Variants in CADPS2 observed in about 807,000 individuals in gnomAD.
CADPS2 encodes calcium dependent secretion activator 2.
CADPS2 carries 93 observed loss-of-function variants against 172.5 expected under a neutral mutation model. The ratio of observed to expected loss-of-function variants is 0.54; its 90% CI spans 0.46 to 0.64. The LOEUF is 0.64. Among genes scored for constraint, CADPS2 ranks in the 30% least tolerant of loss-of-function variants. The pLI, the probability that CADPS2 is intolerant of heterozygous loss-of-function variation, is 0.00. For synonymous variants in CADPS2, 546 were observed against 555.2 expected (o/e 0.98, Z 0.23); for missense variants, 1,420 against 1,565.9 (o/e 0.91, Z 1.57).
At chr7:122,579,921 A>G (rs1328718143) in intron 7 of CADPS2, among the ~76,000 whole-genome samples, 1 of 152,086 alleles carries the variant, frequency 6.6e-6, no homozygotes, top group Non-Finnish European at 1.5e-5. Context: ...ATCCCTAGAA[A>G]TAGAAAAATT....
intron 25 of CADPS2, among the ~76,000 whole-genome samples, chr7:122,378,574 T>C (rs2042623093): frequency 6.6e-6 from 1 of 152,052 alleles, no homozygotes; most frequent in South Asian, 2.1e-4. Flanking sequence ...TTGGGGGCGG[T>C]TTTACCTTTG....
At chr7:122,855,563 A>G (rs973687529) in intron 1 of CADPS2, among the ~76,000 whole-genome samples, 1 of 152,176 alleles carries the variant, frequency 6.6e-6, no homozygotes, top group Admixed American at 6.5e-5. Context: ...TGTGGCTGGT[A>G]GGGGCAAAGT....
intron 1 of CADPS2, among the ~76,000 whole-genome samples, chr7:122,882,939 G>A (rs1823329203): frequency 2.0e-5 from 3 of 152,046 alleles, no homozygotes; most frequent in African/African-American, 7.2e-5. Flanking sequence ...TGTAGCACCT[G>A]GAAAGGCACT....
chr7:122,705,460 T>C lies in CADPS2; in HGVS notation c.453+31495A>G, dbSNP rs1235470821. On this transcript the variant is annotated intron_variant, in intron 2 of 29. Coordinates refer to ENST00000449022, the MANE Select transcript of CADPS2 (RefSeq NM_017954.11). ...GTAATATAATATTATATATTATCTA[T>C]ATTATATATTATATATATTTATATT... 8.9e-5 allele frequency among the ~76,000 whole-genome samples: 12 copies of C among 135,060 alleles called. 1 individual carries two copies. The highest frequency in any genetic ancestry group is 1.4e-4 in the Non-Finnish European group (9 of 65,020). 88.6% of individuals were successfully genotyped at this position (135,060 alleles called of 152,430 possible). A position where few individuals can be genotyped will look rare whatever the true frequency, so the allele number is the denominator to read the frequency against.
intron 6 of CADPS2, among the ~76,000 whole-genome samples, chr7:122,614,779 C>T (rs1197731163): frequency 2.0e-5 from 3 of 152,186 alleles, no homozygotes; most frequent in Non-Finnish European, 4.4e-5. Context: ...ATCATGGTAT[C>T]TACTGTTACA....
intron 6 of CADPS2, among the ~76,000 whole-genome samples, chr7:122,611,117 A>C (rs1349605609): frequency 6.6e-6 from 1 of 152,168 alleles, no homozygotes. Flanking sequence ...AGAAAAAAGA[A>C]AGATCTCAAA....
At chr7:122,769,449 C>T (rs570260588) in intron 1 of CADPS2, among the ~76,000 whole-genome samples, 3 of 152,232 alleles carry the variant, frequency 2.0e-5, no homozygotes, top group African/African-American at 4.8e-5. Context: ...TCTTTGTGTT[C>T]ATTCAAATAC....
intron 2 of CADPS2, among the ~76,000 whole-genome samples, chr7:122,722,580 A>G (rs1257721434): frequency 2.0e-5 from 3 of 148,998 alleles, no homozygotes; most frequent in Non-Finnish European, 4.4e-5. Context: ...ATGCTCATTG[A>G]TAGGAAGAAT....
At chr7:122,589,948 G>A (rs922981810) in intron 6 of CADPS2, among the ~76,000 whole-genome samples, 2 of 151,832 alleles carry the variant, frequency 1.3e-5, no homozygotes, top group African/African-American at 4.8e-5. Context: ...CTCAAGTATA[G>A]AGCACTGAAT....
intron 1 of CADPS2, among the ~76,000 whole-genome samples, chr7:122,760,225 A>G (rs2093332791): frequency 1.3e-5 from 2 of 152,134 alleles, no homozygotes. Context: ...CAAAGAAGTC[A>G]TCAGCTTCAG....
Position 122,438,369 on chromosome 7 carries a change from A to G in CADPS2, c.2448T>C (p.Thr816=). 3 of 1,613,100 alleles carry G rather than the reference A, an allele frequency of 1.9e-6. No individual in the cohort carries two copies. Among genetic ancestry groups the G allele is most frequent in the Non-Finnish European group, 2.5e-6 (3 of 1,179,308 alleles). ...CLEKAALINY[T]RLTEYAKIEE... is the part of the protein sequence containing the mutation. ...CTATTTTGGCATATTCTGTGAGTCT[A>G]GTGTAATTGATCAAGGCAGCTTTCT... The change falls in exon 17 of 30, where the codon ACT becomes ACC. Residue 816 remains threonine, a synonymous_variant. Coordinates refer to ENST00000449022, the MANE Select transcript of CADPS2 (RefSeq NM_017954.11).
chr7:122,860,148 C>T (rs1439529200), intron 1 of CADPS2, among the ~76,000 whole-genome samples: 1 of 151,972 alleles, frequency 6.6e-6, no homozygotes, highest in Non-Finnish European at 1.5e-5. Flanking sequence ...CAACTTCCTC[C>T]CAAGTTCACA....
intron 1 of CADPS2, among the ~76,000 whole-genome samples, chr7:122,778,362 A>G (rs909547465): frequency 2.6e-5 from 4 of 152,210 alleles, no homozygotes; most frequent in African/African-American, 9.6e-5. Flanking sequence ...TAGCTGCCTG[A>G]TGATATAATA....
chr7:122,600,760 G>A lies in CADPS2; in HGVS notation c.1223+14421C>T, dbSNP rs148228127. 4.2e-3 allele frequency among the ~76,000 whole-genome samples: 640 copies of A among 152,132 alleles called. 1 individual carries two copies. Among genetic ancestry groups the A allele is most frequent in the Non-Finnish European group, 6.9e-3 (468 of 67,980 alleles). ...TTGGGTCCTATTTACTAAAAGTTTC[G>A]TTTAATAAAGAACTAATGAGCCTCT... On this transcript the variant is annotated intron_variant, in intron 6 of 29. Coordinates refer to ENST00000449022, the MANE Select transcript of CADPS2 (RefSeq NM_017954.11).
Position 122,461,743 on chromosome 7 carries a change from T to C in CADPS2, c.2186+9632A>G, listed in dbSNP as rs985983207. The stretch of plus-strand genomic sequence containing the variant: ...CCAAGTAGCTGGGACGACAGGTGCG[T>C]GGCACCATGCCTGGCTAATTTTTGC... On this transcript the variant is annotated intron_variant, in intron 14 of 29. Coordinates refer to ENST00000449022, the MANE Select transcript of CADPS2 (RefSeq NM_017954.11). Among the ~76,000 whole-genome samples, 11 of 152,114 alleles carry C rather than the reference T, an allele frequency of 7.2e-5. 1 individual carries two copies. The highest frequency in any genetic ancestry group is 2.9e-5 in the Non-Finnish European group (2 of 68,022).
chr7:122,466,431 C>T (rs2055147616), intron 14 of CADPS2, among the ~76,000 whole-genome samples: 1 of 152,180 alleles, frequency 6.6e-6, no homozygotes, highest in South Asian at 2.1e-4. Context: ...TGTTTTCCAG[C>T]AACATGGGGG....
chr7:122,877,382 A>G (rs1460648161), intron 1 of CADPS2, among the ~76,000 whole-genome samples: 1 of 152,226 alleles, frequency 6.6e-6, no homozygotes, highest in East Asian at 1.9e-4. Context: ...GGCAACAAGT[A>G]CAAATACTGT....
At chr7:122,690,717 A>C (rs1181923157) in intron 2 of CADPS2, among the ~76,000 whole-genome samples, 1 of 152,108 alleles carries the variant, frequency 6.6e-6, no homozygotes, top group East Asian at 1.9e-4. Context: ...ATAATTAACA[A>C]CAAGGTTAAG....
Position 122,452,283 on chromosome 7 carries a change from GA to G in CADPS2, c.2187-809del, listed in dbSNP as rs34074704. ...CTTAACTGTCTTGTTAGTGCAGAGGGAAAAAAAGTATGAATCTCATATTCAC... is the reference window on the plus strand; with the variant it reads ...CTTAACTGTCTTGTTAGTGCAGAGGGAAAAAAGTATGAATCTCATATTCAC... On this transcript the variant is annotated intron_variant, in intron 14 of 29. Transcript: ENST00000449022. 3.3e-5 allele frequency among the ~76,000 whole-genome samples: 5 copies of G among 152,042 alleles called. 1 individual carries two copies. The highest frequency in any genetic ancestry group is 4.2e-4 in the South Asian group (2 of 4,818).
Sources: gnomAD v4.1 joint callset for allele counts (sites outside exome capture counted in the v4.1 genomes callset) on GRCh38, gnomAD v4.1.1 for gene constraint, MANE v1.5 for transcripts, NCBI Gene and HGNC (gene_info 2026-07-23, HGNC 2026-07-21) for gene names.